Variants in MTIF2 observed in about 807,000 individuals in gnomAD.
MTIF2 encodes the protein mitochondrial translational initiation factor 2.
In MTIF2, 71 loss-of-function variants were observed where a neutral mutation model predicts 83.5. The ratio of observed to expected loss-of-function variants is 0.85; its 90% confidence interval spans 0.70 to 1.04. The LOEUF (loss-of-function observed/expected upper bound fraction) is 1.04. Among genes scored for constraint, MTIF2 ranks in the 50% least tolerant of loss-of-function variants. The pLI, the probability that MTIF2 is intolerant of heterozygous loss-of-function variation, is 0.00. For synonymous variants in MTIF2, 319 were observed against 287.1 expected (o/e 1.11, Z -1.12); for missense variants, 957 against 846.5 (o/e 1.13, Z -1.62).
At chr2:55,259,938 T>G (rs554057623) in intron 5 of MTIF2, among the ~76,000 whole-genome samples, 198 of 152,094 alleles carry the variant, frequency 1.3e-3, no homozygotes, top group Non-Finnish European at 2.4e-3. Context: ...AGCAAGACTC[T>G]GCTTCAAAAA....
In MTIF2 at chr2:55,265,218, GGAC is replaced by G. The variant is rs560511736; in HGVS notation, c.-7-1356_-7-1354del. Among the ~76,000 whole-genome samples, 163 of 149,806 alleles carry G rather than the reference GGAC, an allele frequency of 1.1e-3. 2 individuals carry two copies. The highest frequency in any genetic ancestry group is 3.8e-3 in the African/African-American group (155 of 40,628). On this transcript the variant is annotated intron_variant, in intron 3 of 15. Coordinates refer to ENST00000263629, the MANE Select transcript of MTIF2 (RefSeq NM_002453.3). ...AGATCATGCCATTGCACTCTAGCCT[GGAC>G]GACAAGAACAAAACTCTGTCTTGAA...
intron 3 of MTIF2, among the ~76,000 whole-genome samples, chr2:55,267,135 G>C (rs1472068078): frequency 6.6e-6 from 1 of 151,554 alleles, no homozygotes; most frequent in Non-Finnish European, 1.5e-5. Context: ...TAAATGTATG[G>C]TTCTGACATG....
chr2:55,265,970 T>G (rs1312254433), intron 3 of MTIF2, among the ~76,000 whole-genome samples: 1 of 152,180 alleles, frequency 6.6e-6, no homozygotes, highest in African/African-American at 2.4e-5. Flanking sequence ...TCATAAGTAA[T>G]CTAGAGATGA....
At chr2:55,249,024 A>G (rs1676899516) in intron 9 of MTIF2, among the ~76,000 whole-genome samples, 1 of 152,174 alleles carries the variant, frequency 6.6e-6, no homozygotes, top group African/African-American at 2.4e-5. Context: ...CTGTAGCCCC[A>G]ACTACTCAAG....
At chr2:55,256,436 G>A (rs989675990) in intron 5 of MTIF2, among the ~76,000 whole-genome samples, 15 of 151,728 alleles carry the variant, frequency 9.9e-5, no homozygotes, top group Non-Finnish European at 1.6e-4. Flanking sequence ...GGCCAGGCAC[G>A]GTGGCTCACG....
At chr2:55,238,231 G>A (rs1488904821) in intron 14 of MTIF2, among the ~76,000 whole-genome samples, 1 of 151,620 alleles carries the variant, frequency 6.6e-6, no homozygotes, top group African/African-American at 2.4e-5. Context: ...TGTGGAGGCT[G>A]GTCTTGAATT....
intron 2 of MTIF2, 117 bp downstream of exon 2, chr2:55,268,461 G>T (rs543258736): frequency 2.0e-5 from 3 of 151,964 alleles, no homozygotes; most frequent in Non-Finnish European, 4.4e-5. Context: ...TGGAGTGGGA[G>T]GAAGGACCCT....
chr2:55,251,530 G>A (rs1677092348), intron 8 of MTIF2, among the ~76,000 whole-genome samples: 1 of 152,200 alleles, frequency 6.6e-6, no homozygotes. Context: ...AATCTTGCCA[G>A]TAAATCTGGG....
chr2:55,246,704 T>C (rs887304192), intron 9 of MTIF2, among the ~76,000 whole-genome samples: 6 of 152,154 alleles, frequency 3.9e-5, no homozygotes, highest in African/African-American at 7.2e-5. Context: ...CATGGACAGA[T>C]CTTGCAAGGA....
rs1678221047 is a variant in MTIF2 at position 55,263,747 on chromosome 2, A to C, written c.112T>G (p.Ser38Ala). 6.2e-7 allele frequency: 1 copy of C among 1,614,092 alleles called. No homozygotes were observed. The highest frequency in any genetic ancestry group is 1.1e-5 in the South Asian group (1 of 91,090). Reference sequence around the variant, plus strand: ...GCTGTCCACACAGGGTAAGCAGATGAAAACCCATGCCTCCACTGTCTTAAT... The same window carrying C: ...GCTGTCCACACAGGGTAAGCAGATGCAAACCCATGCCTCCACTGTCTTAAT... ...RALRQWRHGFSSAYPVWTAQL... is the reference protein window; with the variant it reads ...RALRQWRHGFASAYPVWTAQL... The change falls in exon 4 of 16, where the codon TCA becomes GCA. Residue 38 changes from serine (S) to alanine (A), a missense_variant. By Grantham distance (99) the Ser-to-Ala change is moderately conservative (BLOSUM62 1). Around this residue, in one of 3 missense-constraint regions of MTIF2, gnomAD observed 733 missense variants for 648.7 expected, o/e 1.13. Transcript: ENST00000263629.
At chr2:55,261,796 G>A (rs1678015501) in intron 5 of MTIF2, among the ~76,000 whole-genome samples, 1 of 151,360 alleles carries the variant, frequency 6.6e-6, no homozygotes, top group South Asian at 2.1e-4. Flanking sequence ...AAATTAGCTG[G>A]GCATAGTGGC....
intron 5 of MTIF2, among the ~76,000 whole-genome samples, chr2:55,261,941 C>CAAAAAAAAAAAAAAAA (rs5831348): frequency 3.4e-5 from 3 of 87,164 alleles, no homozygotes; most frequent in African/African-American, 7.7e-5. Context: ...AAAAAAAAAC[C>CAAAAAAAAAAAAAAAA]AAAAAAAAAA....
chr2:55,260,139 C>A (rs1474914240), intron 5 of MTIF2, among the ~76,000 whole-genome samples: 1 of 152,098 alleles, frequency 6.6e-6, no homozygotes, highest in Non-Finnish European at 1.5e-5. Context: ...GTGGCTCACG[C>A]CTGTAATCTC....
intron 6 of MTIF2, 116 bp from the exon 7 acceptor site, chr2:55,254,317 G>T: frequency 8.5e-7 from 1 of 1,179,512 alleles, no homozygotes; most frequent in Non-Finnish European, 1.2e-6. Context: ...CCAATATTCA[G>T]TGTGGATTAG....
chr2:55,238,785 C>T (rs1676083257), intron 14 of MTIF2, among the ~76,000 whole-genome samples: 1 of 152,160 alleles, frequency 6.6e-6, no homozygotes, highest in Non-Finnish European at 1.5e-5. Flanking sequence ...TATTTTACTA[C>T]TGTTATTTGT....
intron 5 of MTIF2, among the ~76,000 whole-genome samples, chr2:55,255,762 G>A (rs1409758250): frequency 6.6e-6 from 1 of 152,038 alleles, no homozygotes; most frequent in East Asian, 1.9e-4. Context: ...TACGACAGCT[G>A]AAACAGTGTC....
In MTIF2 at chr2:55,243,006, C is replaced by A; in HGVS notation, c.1639G>T (p.Glu547Ter). The A allele has an allele frequency of 1.2e-6, 2 of 1,612,918 alleles. No homozygotes were observed. Among genetic ancestry groups the A allele is most frequent in the Non-Finnish European group, 1.7e-6 (2 of 1,179,318 alleles). ...TYDASHECEL[E>*]LVHFGVGDVS... ...TCACCCACTCCAAAATGTACTAATT[C>A]TAGTTCACACTCGTGTGAAGCATCA... is the stretch of plus-strand genomic sequence containing the variant. The change falls in exon 13 of 16, where the codon GAA becomes TAA. Residue 547 changes from glutamate to a stop codon, truncating the protein, a stop_gained. Transcript: ENST00000263629. LOFTEE classifies it high-confidence loss of function.
chr2:55,240,133 T>A lies in MTIF2; in HGVS notation c.1748A>T (p.Gln583Leu). ...GFNVNAGNVIQQSAAKKGVKI... is the reference protein window; with the variant it reads ...GFNVNAGNVILQSAAKKGVKI... ...TACTCCTTTTTTTGCAGCTGACTGTTGGATAACATTGCCTGCATTCACATT... is the reference window on the plus strand; with the variant it reads ...TACTCCTTTTTTTGCAGCTGACTGTAGGATAACATTGCCTGCATTCACATT... The change falls in exon 14 of 16, where the codon CAA (glutamine) becomes CTA (leucine). Residue 583 changes from glutamine to leucine, a missense_variant. By Grantham distance (113) the Gln-to-Leu change is moderately radical (BLOSUM62 -2). Transcript: ENST00000263629. The A allele has an allele frequency of 6.2e-7, 1 of 1,614,036 alleles. No individual in the cohort carries two copies. Among genetic ancestry groups the A allele is most frequent in the Non-Finnish European group, 8.5e-7 (1 of 1,179,944 alleles).
intron 4 of MTIF2, among the ~76,000 whole-genome samples, chr2:55,262,726 T>G (rs971356003): frequency 1.0e-4 from 7 of 69,472 alleles, no homozygotes; most frequent in African/African-American, 2.5e-4. Context: ...TATTTTTTTT[T>G]TTTGTTTTTT....
Sources: allele counts gnomAD v4.1 joint callset (sites outside exome capture counted in the v4.1 genomes callset), GRCh38; gene constraint gnomAD v4.1.1; regional missense constraint gnomAD v4.1.1; transcripts MANE v1.5; gene names NCBI Gene and HGNC (gene_info 2026-07-23, HGNC 2026-07-21).